VWCE: variants seen among roughly 807,000 people sequenced by gnomAD.
VWCE encodes von Willebrand factor C and EGF domains.
A neutral mutation model predicts 102.9 loss-of-function variants in VWCE; 68 were observed. That is an observed-to-expected ratio of 0.66 (90% CI 0.54 to 0.81). VWCE has a LOEUF of 0.81. VWCE is among the 30% of genes least tolerant of loss of function. The pLI is 0.00. For missense variants in VWCE, 1,137 were observed against 1,263.6 expected (o/e 0.90, Z 1.52); for synonymous variants, 497 against 515.4 (o/e 0.96, Z 0.48).
intron 4 of VWCE, among the ~76,000 whole-genome samples, chr11:61,288,531 T>A (rs1024957225): frequency 6.6e-6 from 1 of 152,212 alleles, no homozygotes; most frequent in African/African-American, 2.4e-5. Flanking sequence ...AAGCCCACTC[T>A]GACTAACCCC....
Position 61,258,566 on chromosome 11 carries a change from G to T in VWCE, c.*109C>A. On this transcript the variant is annotated 3_prime_UTR_variant, in exon 20 of 20. Coordinates refer to ENST00000335613, the MANE Select transcript of VWCE (RefSeq NM_152718.2). ...TCCATCCTCACCAGGGCCCCTGCAG[G>T]AGGGAGCCCAGGCATCCCCACCAGG... 8.7e-7 allele frequency: 1 copy of T among 1,150,086 alleles called. No homozygotes were observed. Among genetic ancestry groups the T allele is most frequent in the Non-Finnish European group, 1.1e-6 (1 of 893,538 alleles). The allele number at this position is 1,150,086 out of a possible 1,614,324, so 71.2% of individuals were successfully genotyped here.
rs185092986 is a variant in VWCE at position 61,283,246 on chromosome 11, C to T, written c.542-341G>A. Among the ~76,000 whole-genome samples, 8 of 152,298 alleles carry T rather than the reference C, an allele frequency of 5.3e-5. No homozygotes were observed. The East Asian group carries it at 1.5e-3, about 29-fold the overall frequency. ...CCAAAGGGCATTTCTAATCAGGGCC[C>T]TTCTGCTCAAAACCTCTCCGCTGCT... On this transcript the variant is annotated intron_variant, in intron 5 of 19. Coordinates refer to ENST00000335613, the MANE Select transcript of VWCE (RefSeq NM_152718.2).
At chr11:61,260,897 CA>C (rs1422482507) in intron 19 of VWCE, among the ~76,000 whole-genome samples, 1 of 151,900 alleles carries the variant, frequency 6.6e-6, no homozygotes, top group Non-Finnish European at 1.5e-5. Context: ...AGAAGCTCAG[CA>C]AAAAGAAAAT....
chr11:61,273,563 G>A (rs547827345), intron 12 of VWCE: 81 of 514,608 alleles, frequency 1.6e-4, no homozygotes, highest in African/African-American at 1.4e-3. Context: ...GAATAGGCAC[G>A]GCCTTCACCA....
chr11:61,281,281 G>A, intron 7 of VWCE, 46 bp from the exon 8 acceptor site: 1 of 1,608,052 alleles, frequency 6.2e-7, no homozygotes, highest in Non-Finnish European at 8.5e-7. Flanking sequence ...AGCAGAGACA[G>A]GAGGCAGGGT....
intron 11 of VWCE, among the ~76,000 whole-genome samples, chr11:61,275,348 G>A (rs565892295): frequency 2.0e-5 from 3 of 152,004 alleles, no homozygotes; most frequent in African/African-American, 7.2e-5. Flanking sequence ...GCTCAAATCC[G>A]AGCTATACAA....
chr11:61,285,047 C>A (rs1855271391), intron 5 of VWCE, among the ~76,000 whole-genome samples: 1 of 152,070 alleles, frequency 6.6e-6, no homozygotes, highest in Non-Finnish European at 1.5e-5. Flanking sequence ...GAAGAGCCCT[C>A]ACCAGAAACT....
chr11:61,283,084 C>T (rs1424091207), intron 5 of VWCE, among the ~76,000 whole-genome samples, 179 bp from the exon 6 acceptor site: 2 of 152,176 alleles, frequency 1.3e-5, no homozygotes, highest in African/African-American at 2.4e-5. Flanking sequence ...GACCAGCCCA[C>T]GTCTCTCATC....
At position 61,291,315 on chromosome 11, in the gene VWCE, C is replaced by G; in HGVS notation, c.244G>C (p.Ala82Pro). ...SFGCGSGICI[A>P]PNVCSCQDGE... ...TCCTGGCAGGAGCAGACATTGGGAG[C>G]GATGCAGATGCCACTCCCACAGCCG... Residue 82 changes from alanine to proline, a missense_variant, in exon 3 of 20, where the codon GCT becomes CCT. By Grantham distance (27) the Ala-to-Pro change is conservative. Transcript: ENST00000335613. The G allele has an allele frequency of 6.2e-7, 1 of 1,611,190 alleles. No individual in the cohort carries two copies. The highest frequency in any genetic ancestry group is 8.5e-7 in the Non-Finnish European group (1 of 1,178,514).
At chr11:61,291,013 G>A in intron 3 of VWCE, 86 bp from the exon 4 acceptor site, 3 of 1,537,738 alleles carry the variant, frequency 2.0e-6, no homozygotes, top group Non-Finnish European at 2.6e-6. Flanking sequence ...GAATTCTGTT[G>A]GGAGGGTAGC....
At chr11:61,292,672 TG>T (rs1234963127) in intron 1 of VWCE, among the ~76,000 whole-genome samples, 1 of 152,100 alleles carries the variant, frequency 6.6e-6, no homozygotes, top group African/African-American at 2.4e-5. Flanking sequence ...TGCTGGGTGC[TG>T]AGTAAGGCGT....
Position 61,282,597 on chromosome 11 carries a change from CCAAGACAGGGTCTT to C in VWCE, c.658+178_658+191del, listed in dbSNP as rs1168737520. ...AAAGTGGCAAATGGCCAGGAAAAGT[CCAAGACAGGGTCTT>C]CATGCAGAGCCACACCAACCCCAGG... On this transcript the variant is annotated intron_variant, in intron 6 of 19. Coordinates refer to ENST00000335613, the MANE Select transcript of VWCE (RefSeq NM_152718.2). 3.7e-5 allele frequency: 22 copies of C among 594,296 alleles called. No homozygotes were observed. In the Admixed American group the frequency reaches 4.5e-4, roughly 12 times the overall value. The allele number at this position is 594,296 out of a possible 1,614,324, so 36.8% of individuals were successfully genotyped here.
In VWCE at chr11:61,282,803, C is replaced by T. The variant is rs551711336; in HGVS notation, c.644G>A (p.Arg215Gln). 22 of 1,614,066 alleles carry T rather than the reference C, an allele frequency of 1.4e-5. No individual in the cohort carries two copies. The highest frequency in any genetic ancestry group is 1.1e-4 in the African/African-American group (8 of 75,040). Residue 215 changes from arginine to glutamine, a missense_variant, in exon 6 of 20, where the codon CGG becomes CAG. This residue lies in a region of VWCE where 575 missense variants were observed against 625.9 expected (regional missense o/e 0.92). Transcript: ENST00000335613. The part of the protein sequence containing the change: ...CRTGFHLHGN[R>Q]HSCVDVNECR... ...CCCCGCCTTACCTACACAGGAGTGCCGGTTGCCATGAAGGTGGAAGCCAGT... is the reference window on the plus strand; with the variant it reads ...CCCCGCCTTACCTACACAGGAGTGCTGGTTGCCATGAAGGTGGAAGCCAGT...
intron 5 of VWCE, among the ~76,000 whole-genome samples, chr11:61,283,988 C>CCTTTTATTTATTTATTTATT (rs1392858422): frequency 6.6e-5 from 10 of 152,184 alleles, no homozygotes; most frequent in Non-Finnish European, 1.3e-4. Flanking sequence ...CAAGGCAAGT[C>CCTTTTATTTATTTATTTATT]TATTTACCCT....
In VWCE at chr11:61,294,366, G is replaced by A. The variant is rs112539251; in HGVS notation, c.110+562C>T. On this transcript the variant is annotated intron_variant, in intron 1 of 19. Coordinates refer to ENST00000335613, the MANE Select transcript of VWCE (RefSeq NM_152718.2). The surrounding 1 kb of genome is among the most constrained non-coding windows in gnomAD (Gnocchi z 6.3). ...CACGCGCACGGCCCCACCGCGGCCC[G>A]GGGGAAAGCACGTGCGGAGGGCGGC... Among the ~76,000 whole-genome samples, 5 of 152,304 alleles carry A rather than the reference G, an allele frequency of 3.3e-5. 1 individual carries two copies. Among genetic ancestry groups the A allele is most frequent in the African/African-American group, 1.2e-4 (5 of 41,568 alleles).
chr11:61,281,796 C>A lies in VWCE; in HGVS notation c.777G>T (p.Val259=). 1.2e-6 allele frequency: 2 copies of A among 1,612,828 alleles called. No homozygotes were observed. The highest frequency in any genetic ancestry group is 2.2e-5 in the South Asian group (2 of 90,786). ...GGGCCTGGCGCTCACCTTCACAGGA[C>A]ACGCGGTCAGCTCGGAGCCTGAAGC... ...RPGFRLRADR[V]SCEAFPKAVL... The change falls in exon 7 of 20, where the codon GTG becomes GTT. Residue 259 remains valine, a synonymous_variant. Transcript: ENST00000335613.
intron 19 of VWCE, 57 bp from the exon 20 acceptor site, chr11:61,259,369 G>A (rs192396417): frequency 2.0e-6 from 3 of 1,518,502 alleles, no homozygotes; most frequent in Middle Eastern, 2.0e-4. Context: ...GGCCAAGGTG[G>A]CTCTGGGACA....
intron 4 of VWCE, among the ~76,000 whole-genome samples, chr11:61,287,630 C>A (rs1029348645): frequency 5.9e-5 from 9 of 152,204 alleles, no homozygotes; most frequent in African/African-American, 1.9e-4. Flanking sequence ...ACAGTGCCTG[C>A]TGGGATGATA....
At chr11:61,276,320 C>G (rs576254093) in intron 11 of VWCE, among the ~76,000 whole-genome samples, 2 of 151,888 alleles carry the variant, frequency 1.3e-5, no homozygotes, top group East Asian at 3.9e-4. Flanking sequence ...GAGGCTCAGG[C>G]AGGAGAATCA....
Sources: allele counts gnomAD v4.1 joint callset (sites outside exome capture counted in the v4.1 genomes callset), GRCh38; gene constraint gnomAD v4.1.1; regional missense constraint gnomAD v4.1.1; non-coding constraint Gnocchi (gnomAD v3.1); transcripts MANE v1.5; gene names NCBI Gene and HGNC (gene_info 2026-07-23, HGNC 2026-07-21).